The following PLCXD3 variants were observed in gnomAD, a reference collection of about 807,000 sequenced individuals.
PLCXD3 encodes PI-PLC X domain-containing protein 3.
In PLCXD3, 19 loss-of-function variants were observed where a neutral mutation model predicts 25.5. That is an observed-to-expected ratio of 0.75 (90% CI 0.52 to 1.09). The LOEUF is 1.09. Ranked by LOEUF, PLCXD3 falls within the 50% of genes least tolerant of loss-of-function variation. The pLI is 0.00. For missense variants in PLCXD3, 411 were observed against 388.1 expected, an observed-to-expected ratio of 1.06 and a Z score of -0.50; for synonymous variants, 174 against 137.6, an observed-to-expected ratio of 1.26 and a Z score of -1.85.
intron 1 of PLCXD3, among the ~76,000 whole-genome samples, chr5:41,407,855 T>C (rs1464853646): frequency 6.6e-6 from 1 of 152,240 alleles, no homozygotes; most frequent in East Asian, 1.9e-4. Context: ...ATCTTTCATA[T>C]TGTGTAAAGC....
intron 1 of PLCXD3, chr5:41,475,770 C>T (rs1277017630): frequency 1.9e-6 from 1 of 531,664 alleles, no homozygotes; most frequent in Non-Finnish European, 3.9e-6. Context: ...ACCATCATTA[C>T]AGCAGTTACT....
At chr5:41,333,467 A>G (rs927942936) in intron 2 of PLCXD3, among the ~76,000 whole-genome samples, 1 of 152,290 alleles carries the variant, frequency 6.6e-6, no homozygotes, top group Admixed American at 6.5e-5. Context: ...CTTTGCATCT[A>G]TAGGTTAAAA....
intron 1 of PLCXD3, among the ~76,000 whole-genome samples, chr5:41,402,992 A>G (rs1010791476): frequency 1.3e-5 from 2 of 152,110 alleles, no homozygotes; most frequent in Non-Finnish European, 2.9e-5. Flanking sequence ...ATCCATTAAC[A>G]TCTAAGTATT....
chr5:41,501,917 G>A (rs374797079), intron 1 of PLCXD3, among the ~76,000 whole-genome samples: 1 of 152,104 alleles, frequency 6.6e-6, no homozygotes, highest in Non-Finnish European at 1.5e-5. Context: ...GGACTAGGAA[G>A]AGAAAGAGAT....
At chr5:41,471,371 C>A (rs1302875733) in intron 1 of PLCXD3, among the ~76,000 whole-genome samples, 2 of 152,182 alleles carry the variant, frequency 1.3e-5, no homozygotes, top group African/African-American at 2.4e-5. Context: ...AGTGCAACAA[C>A]TGTGAGACAT....
intron 1 of PLCXD3, among the ~76,000 whole-genome samples, chr5:41,385,512 G>C (rs1029851164): frequency 1.3e-5 from 2 of 151,990 alleles, no homozygotes; most frequent in Non-Finnish European, 2.9e-5. Flanking sequence ...TCATTTCTTG[G>C]AAATAAGCAC....
chr5:41,408,686 G>T (rs766868185), intron 1 of PLCXD3, among the ~76,000 whole-genome samples: 60 of 152,210 alleles, frequency 3.9e-4, no homozygotes, highest in Middle Eastern at 3.4e-3. Context: ...AAGTCAATCC[G>T]CACATCTTTA....
At chr5:41,438,806 A>AG (rs1162753444) in intron 1 of PLCXD3, among the ~76,000 whole-genome samples, 4 of 151,378 alleles carry the variant, frequency 2.6e-5, no homozygotes, top group African/African-American at 9.7e-5. Flanking sequence ...CATTAGGAAA[A>AG]AAAAAAAAAA....
At chr5:41,403,398 G>GTTTTTTTGTTT (rs764950342) in intron 1 of PLCXD3, among the ~76,000 whole-genome samples, 1 of 33,990 alleles carries the variant, frequency 2.9e-5, no homozygotes, top group Admixed American at 2.8e-4. Flanking sequence ...TGACTTATTT[G>GTTTTTTTGTTT]TTGTTTTTTT....
At chr5:41,364,656 G>A (rs1175927312) in intron 2 of PLCXD3, among the ~76,000 whole-genome samples, 1 of 152,116 alleles carries the variant, frequency 6.6e-6, no homozygotes, top group Non-Finnish European at 1.5e-5. Context: ...CTATCATTTT[G>A]CCAAGTTGCT....
At position 41,408,176 on chromosome 5, in the gene PLCXD3, G is replaced by T. The variant is rs897042099; in HGVS notation, c.104-25642C>A. On this transcript the variant is annotated intron_variant, in intron 1 of 2. Transcript: ENST00000377801. ...AAACTATTAAGTCTCTTTCTCATATGAATTTATTTTTAAAGATTATCAGCA... is the reference window on the plus strand; with the variant it reads ...AAACTATTAAGTCTCTTTCTCATATTAATTTATTTTTAAAGATTATCAGCA... Among the ~76,000 whole-genome samples, 27 of 152,240 alleles carry T rather than the reference G, an allele frequency of 1.8e-4. 1 individual carries two copies. The highest frequency in any genetic ancestry group is 1.7e-3 in the Admixed American group (26 of 15,280).
chr5:41,494,059 G>T lies in PLCXD3; in HGVS notation c.103+16365C>A, dbSNP rs189084335. Among the ~76,000 whole-genome samples, 44 of 152,312 alleles carry T rather than the reference G, an allele frequency of 2.9e-4. 1 individual carries two copies. Among genetic ancestry groups the T allele is most frequent in the Non-Finnish European group, 5.3e-4 (36 of 68,022 alleles). ...ACGCTGGGAGCTGTAGACCAGAGCT[G>T]TTCCTATTCAGCCATCTTGGCTCCC... On this transcript the variant is annotated intron_variant, in intron 1 of 2. Transcript: ENST00000377801.
chr5:41,494,014 AC>A (rs900281988), intron 1 of PLCXD3, among the ~76,000 whole-genome samples: 2 of 152,074 alleles, frequency 1.3e-5, no homozygotes, highest in African/African-American at 2.4e-5. Context: ...TGCAGAAATC[AC>A]CCGTGTTCTG....
chr5:41,381,832 G>C lies in PLCXD3; in HGVS notation c.806C>G (p.Thr269Arg). Residue 269 changes from threonine to arginine, a missense_variant, in exon 2 of 3, where the codon ACA (threonine) becomes AGA (arginine). Physicochemically the swap from Thr to Arg is moderately conservative, Grantham distance 71. Transcript: ENST00000377801. The stretch of plus-strand genomic sequence containing the variant: ...ACATTTTAAAGACACTTACCTTTCT[G>C]TGATTGTTTCTCTGAGGCCACTTGC... The part of the protein sequence containing the change: ...GVASGLRETI[T>R]ERALPAMMQW... 6.2e-7 allele frequency: 1 copy of C among 1,604,226 alleles called. No homozygotes were observed.
intron 1 of PLCXD3, among the ~76,000 whole-genome samples, chr5:41,413,001 C>T (rs371032394): frequency 6.6e-6 from 1 of 152,140 alleles, no homozygotes; most frequent in African/African-American, 2.4e-5. Flanking sequence ...GAAGTAACGA[C>T]ATGACAACCA....
At chr5:41,345,269 T>C (rs926511830) in intron 2 of PLCXD3, among the ~76,000 whole-genome samples, 2 of 152,218 alleles carry the variant, frequency 1.3e-5, no homozygotes, top group African/African-American at 4.8e-5. Context: ...AAAAATGGAA[T>C]TCAGAGATCT....
intron 1 of PLCXD3, among the ~76,000 whole-genome samples, chr5:41,383,617 C>A (rs1004359361): frequency 7.2e-5 from 11 of 151,986 alleles, no homozygotes; most frequent in Admixed American, 1.3e-4. Context: ...AATTCTGACA[C>A]CCTTTCCTGT....
In PLCXD3 at chr5:41,419,878, ATAAT is replaced by A. The variant is rs531419108; in HGVS notation, c.104-37348_104-37345del. Reference sequence around the variant, plus strand: ...ACTTAGCACTGTGCTTAAGTGCCAAATAATTAATTATTATGATTATGATTATTGT... The same window carrying A: ...ACTTAGCACTGTGCTTAAGTGCCAAATAATTATTATGATTATGATTATTGT... On this transcript the variant is annotated intron_variant, in intron 1 of 2. Transcript: ENST00000377801. Among the ~76,000 whole-genome samples the A allele has an allele frequency of 4.8e-3, 724 of 152,312 alleles. 2 individuals carry two copies. The highest frequency in any genetic ancestry group is 7.5e-3 in the Non-Finnish European group (509 of 68,026).
At chr5:41,487,186 A>G (rs527483298) in intron 1 of PLCXD3, among the ~76,000 whole-genome samples, 1 of 152,326 alleles carries the variant, frequency 6.6e-6, no homozygotes, top group South Asian at 2.1e-4. Flanking sequence ...TTGAAACAAA[A>G]TCTTATTTTA....
Sources: gnomAD v4.1 joint callset for allele counts (sites outside exome capture counted in the v4.1 genomes callset) on GRCh38, gnomAD v4.1.1 for gene constraint, MANE v1.5 for transcripts, NCBI Gene and HGNC (gene_info 2026-07-23, HGNC 2026-07-21) for gene names.